Variants in GNG2 observed in about 807,000 individuals in gnomAD.
GNG2 encodes the protein G protein subunit gamma 2, also known as guanine nucleotide-binding protein G(I)/G(S)/G(O) subunit gamma-2.
Under a neutral mutation model 5.5 loss-of-function variants are expected in GNG2, and 5 were observed. That is an observed-to-expected ratio of 0.91 (90% CI 0.48 to 1.92). GNG2 has a LOEUF of 1.92. Among genes scored for constraint, GNG2 ranks in the 30% most tolerant of loss-of-function variants. The pLI is 0.01. For synonymous variants in GNG2, 28 were observed against 32.0 expected (o/e 0.88, Z 0.42); for missense variants, 55 against 88.4 (o/e 0.62, Z 1.52).
intron 2 of GNG2, among the ~76,000 whole-genome samples, chr14:51,888,180 A>G (rs1252976448): frequency 6.6e-6 from 1 of 152,152 alleles, no homozygotes; most frequent in African/African-American, 2.4e-5. Flanking sequence ...AATTACATTG[A>G]GATACATCCA....
chr14:51,878,848 A>G (rs1489963782), intron 2 of GNG2, among the ~76,000 whole-genome samples: 1 of 152,184 alleles, frequency 6.6e-6, no homozygotes, highest in Non-Finnish European at 1.5e-5. Flanking sequence ...TATTCTATCA[A>G]ATGTTACTAA....
Position 51,829,772 on chromosome 14 carries a change from C to A in GNG2, c.64+1965C>A, listed in dbSNP as rs371223811. ...TCAAGACCACCAGAGACATCCACTG[C>A]TAAACCTAATGTTCAGTTCTCAGTG... On this transcript the variant is annotated intron_variant, in intron 2 of 3. Transcript: ENST00000553432. Among the ~76,000 whole-genome samples, 12 of 152,184 alleles carry A rather than the reference C, an allele frequency of 7.9e-5. No individual in the cohort carries two copies. The South Asian group carries it at 1.5e-3, about 18-fold the overall frequency.
chr14:51,826,970 C>T (rs1213503502), intron 1 of GNG2, among the ~76,000 whole-genome samples: 2 of 152,118 alleles, frequency 1.3e-5, no homozygotes, highest in African/African-American at 4.8e-5. Context: ...TGACACAGAT[C>T]CGAGGTTTCC....
At chr14:51,915,490 G>A (rs1460296390) in intron 2 of GNG2, among the ~76,000 whole-genome samples, 1 of 152,208 alleles carries the variant, frequency 6.6e-6, no homozygotes, top group East Asian at 1.9e-4. Context: ...GGGACTTAAA[G>A]AGGCAGCAAG....
At chr14:51,844,613 A>G (rs964273344) in intron 2 of GNG2, among the ~76,000 whole-genome samples, 5 of 152,184 alleles carry the variant, frequency 3.3e-5, no homozygotes, top group Non-Finnish European at 7.3e-5. Flanking sequence ...AGTTCCAAGA[A>G]GGTCCCCTGA....
chr14:51,883,034 A>AT (rs1474684104), intron 2 of GNG2, among the ~76,000 whole-genome samples: 1 of 151,660 alleles, frequency 6.6e-6, no homozygotes, highest in African/African-American at 2.4e-5. Context: ...AAAAAAAAAA[A>AT]GAAAAAAAAG....
At chr14:51,830,783 A>T (rs748028974) in intron 2 of GNG2, among the ~76,000 whole-genome samples, 66 of 152,298 alleles carry the variant, frequency 4.3e-4, no homozygotes, top group Non-Finnish European at 8.1e-4. Context: ...CATTGTCCCC[A>T]TTCCAGTCAA....
intron 2 of GNG2, among the ~76,000 whole-genome samples, chr14:51,931,892 G>T (rs1286833605): frequency 2.0e-5 from 3 of 152,110 alleles, no homozygotes; most frequent in Non-Finnish European, 4.4e-5. Flanking sequence ...CATGTTCACG[G>T]CACCACTGTT....
chr14:51,885,011 T>C (rs911916200), intron 2 of GNG2, among the ~76,000 whole-genome samples: 1 of 151,922 alleles, frequency 6.6e-6, no homozygotes, highest in Non-Finnish European at 1.5e-5. Context: ...CAGAATCAGG[T>C]CCAATGCACA....
chr14:51,959,725 T>C (rs1889480359), intron 3 of GNG2, among the ~76,000 whole-genome samples: 1 of 37,652 alleles, frequency 2.7e-5, no homozygotes, highest in African/African-American at 6.8e-5. Flanking sequence ...TGTAAGTTTC[T>C]ACCAAAAGAT....
At chr14:51,884,393 G>A (rs1455090973) in intron 2 of GNG2, among the ~76,000 whole-genome samples, 2 of 152,128 alleles carry the variant, frequency 1.3e-5, no homozygotes, top group African/African-American at 4.8e-5. Context: ...AAGTCATCTG[G>A]GGTATATTAT....
intron 2 of GNG2, among the ~76,000 whole-genome samples, chr14:51,897,332 AATGAGACTTTGTAATGTCAGGC>A (rs1372442472): frequency 6.6e-6 from 1 of 152,180 alleles, no homozygotes; most frequent in East Asian, 1.9e-4. Context: ...CTAGGTGAAG[AATGAGACTTTGTAATGTCAGGC>A]AGCTGTAGAA....
At chr14:51,827,663 C>G in intron 1 of GNG2, 1 of 700,186 alleles carries the variant, frequency 1.4e-6, no homozygotes, top group Non-Finnish European at 2.6e-6. Flanking sequence ...GTTTACATAT[C>G]CCAGAATTAC....
At chr14:51,874,593 G>A (rs923938228) in intron 1 of GNG2, among the ~76,000 whole-genome samples, 2 of 152,016 alleles carry the variant, frequency 1.3e-5, no homozygotes, top group African/African-American at 2.4e-5. Flanking sequence ...TTAGCTGGGC[G>A]TTGTGGTGCA....
intron 2 of GNG2, among the ~76,000 whole-genome samples, chr14:51,932,271 A>AAAAAAAAAAAAAAAAG (rs60014306): frequency 6.2e-5 from 6 of 96,340 alleles, no homozygotes; most frequent in Non-Finnish European, 6.1e-5. Context: ...AAAAAAAAAA[A>AAAAAAAAAAAAAAAAG]AGAAAAGAAA....
chr14:51,841,477 T>C (rs970463854), intron 2 of GNG2: 22 of 700,644 alleles, frequency 3.1e-5, no homozygotes, highest in Non-Finnish European at 5.7e-5. Flanking sequence ...TCCTCTAAGG[T>C]AGATACTATT....
At chr14:51,853,102 A>G (rs1420136133) in intron 2 of GNG2, among the ~76,000 whole-genome samples, 1 of 152,178 alleles carries the variant, frequency 6.6e-6, no homozygotes, top group Non-Finnish European at 1.5e-5. Context: ...TCATTCTCTT[A>G]AATTTTTAGC....
intron 1 of GNG2, among the ~76,000 whole-genome samples, chr14:51,826,535 G>C (rs1230270706): frequency 6.6e-6 from 1 of 152,176 alleles, no homozygotes; most frequent in Non-Finnish European, 1.5e-5. Flanking sequence ...CACCTCGTGA[G>C]TATTGAGAAC....
At chr14:51,961,589 G>A (rs1889617925) in intron 3 of GNG2, among the ~76,000 whole-genome samples, 2 of 152,168 alleles carry the variant, frequency 1.3e-5, no homozygotes, top group South Asian at 4.1e-4. Context: ...TAATTTCTGT[G>A]AAAGAGAAGA....
Sources: allele counts gnomAD v4.1 joint callset (sites outside exome capture counted in the v4.1 genomes callset), GRCh38; gene constraint gnomAD v4.1.1; transcripts MANE v1.5; gene names NCBI Gene and HGNC (gene_info 2026-07-23, HGNC 2026-07-21).